CTIF: variants seen among roughly 807,000 people sequenced by gnomAD.
CTIF encodes the protein cap binding complex dependent translation initiation factor.
In CTIF, 21 loss-of-function variants were observed where a neutral mutation model predicts 66.0. The ratio of observed to expected loss-of-function variants is 0.32; its 90% confidence interval spans 0.23 to 0.46. The LOEUF (loss-of-function observed/expected upper bound fraction) is 0.46. Among genes scored for constraint, CTIF ranks in the 20% least tolerant of loss-of-function variants. CTIF has a pLI of 1.00. For synonymous variants in CTIF, 345 were observed against 326.4 expected (o/e 1.06, Z -0.62); for missense variants, 739 against 812.7 (o/e 0.91, Z 1.10).
chr18:48,636,708 T>TC (rs758720724), intron 3 of CTIF, 23 bp downstream of exon 3: 2 of 1,532,078 alleles, frequency 1.3e-6, no homozygotes, highest in African/African-American at 1.4e-5. Context: ...CTCTGCGCTC[T>TC]GTCTGGGGGT....
chr18:48,768,821 A>G (rs1264419774), intron 9 of CTIF, among the ~76,000 whole-genome samples: 1 of 152,108 alleles, frequency 6.6e-6, no homozygotes, highest in Non-Finnish European at 1.5e-5. Context: ...AGGAGGATCC[A>G]TTCAGGCCAG....
chr18:48,781,170 C>T (rs1911173376), intron 9 of CTIF, among the ~76,000 whole-genome samples: 1 of 152,232 alleles, frequency 6.6e-6, no homozygotes, highest in African/African-American at 2.4e-5. Context: ...CTCTACCCTC[C>T]TAGTGCCTCC....
intron 1 of CTIF, among the ~76,000 whole-genome samples, chr18:48,575,469 G>T (rs1428469305): frequency 2.0e-5 from 3 of 152,174 alleles, no homozygotes; most frequent in Non-Finnish European, 1.5e-5. Flanking sequence ...ATTAATTTTC[G>T]ATTTTCTTTT....
chr18:48,774,537 A>G (rs796262602), intron 9 of CTIF, among the ~76,000 whole-genome samples: 9 of 152,260 alleles, frequency 5.9e-5, no homozygotes, highest in African/African-American at 2.2e-4. Context: ...TGGCCCTTCC[A>G]GGACAGATCC....
At chr18:48,667,067 G>C (rs969296036) in intron 5 of CTIF, among the ~76,000 whole-genome samples, 1 of 146,716 alleles carries the variant, frequency 6.8e-6, no homozygotes, top group Non-Finnish European at 1.5e-5. Flanking sequence ...CATGGTGCTG[G>C]GTACCAGGAA....
chr18:48,615,203 G>A (rs982301147), intron 1 of CTIF, among the ~76,000 whole-genome samples: 1 of 152,338 alleles, frequency 6.6e-6, no homozygotes, highest in African/African-American at 2.4e-5. Context: ...GCTGAATGCT[G>A]TTTTATGTTG....
intron 1 of CTIF, among the ~76,000 whole-genome samples, chr18:48,593,457 T>C (rs999369592): frequency 1.3e-5 from 2 of 151,502 alleles, no homozygotes; most frequent in African/African-American, 2.4e-5. Context: ...CTCGGCTCAC[T>C]GCAAGCTCTG....
intron 1 of CTIF, among the ~76,000 whole-genome samples, chr18:48,549,194 T>C (rs937054421): frequency 6.6e-6 from 1 of 152,086 alleles, no homozygotes; most frequent in Non-Finnish European, 1.5e-5. Flanking sequence ...ACAAGAGGAA[T>C]TGGCAGCTGT....
At chr18:48,687,850 G>A (rs945412284) in intron 6 of CTIF, among the ~76,000 whole-genome samples, 8 of 152,190 alleles carry the variant, frequency 5.3e-5, no homozygotes, top group Admixed American at 5.2e-4. Flanking sequence ...GCTGTCCTTT[G>A]CCGTTACTAA....
chr18:48,588,961 G>A (rs185774909), intron 1 of CTIF, among the ~76,000 whole-genome samples: 5 of 152,156 alleles, frequency 3.3e-5, no homozygotes, highest in East Asian at 1.9e-4. Flanking sequence ...ACATGTACCC[G>A]GCGCCCCTGT....
intron 9 of CTIF, among the ~76,000 whole-genome samples, chr18:48,772,149 C>T (rs375433809): frequency 1.3e-5 from 2 of 152,282 alleles, no homozygotes; most frequent in African/African-American, 2.4e-5. Flanking sequence ...CTGTGCATGG[C>T]GCCAAGGTGT....
intron 9 of CTIF, among the ~76,000 whole-genome samples, chr18:48,766,924 A>G (rs1909619350): frequency 6.6e-6 from 1 of 151,888 alleles, no homozygotes; most frequent in South Asian, 2.1e-4. Flanking sequence ...TCCTTTTCCC[A>G]TTTTCCTTTT....
intron 3 of CTIF, among the ~76,000 whole-genome samples, chr18:48,651,386 A>AAG (rs1246066683): frequency 6.6e-6 from 1 of 152,222 alleles, no homozygotes; most frequent in Non-Finnish European, 1.5e-5. Flanking sequence ...CAAAGATCAA[A>AAG]AGAGACAAAG....
rs557086163 is a variant in CTIF at position 48,615,859 on chromosome 18, C to T, written c.-28-3679C>T. ...CAAACACTAGAGTAGAAGGAATGGC[C>T]GAGAGGACGTGAGGACACAAGAGGC... On this transcript the variant is annotated intron_variant, in intron 1 of 11. Coordinates refer to ENST00000256413, the MANE Select transcript of CTIF (RefSeq NM_014772.3). Among the ~76,000 whole-genome samples, 15 of 152,272 alleles carry T rather than the reference C, an allele frequency of 9.9e-5. No individual in the cohort carries two copies. The South Asian group carries it at 1.9e-3, about 19-fold the overall frequency.
intron 5 of CTIF, among the ~76,000 whole-genome samples, chr18:48,667,120 T>TATACAATAC (rs2091451178): frequency 8.0e-6 from 1 of 125,450 alleles, no homozygotes; most frequent in African/African-American, 3.3e-5. Context: ...CACACACGAG[T>TATACAATAC]ATACAATACA....
intron 1 of CTIF, among the ~76,000 whole-genome samples, chr18:48,608,000 A>G (rs76220921): frequency 0.037 from 5,687 of 152,092 alleles, 374 homozygotes; most frequent in African/African-American, 0.13. Flanking sequence ...ATTTATTTCC[A>G]AGTTCTGAGG....
intron 1 of CTIF, among the ~76,000 whole-genome samples, chr18:48,561,150 A>G (rs1189376260): frequency 1.3e-5 from 2 of 149,468 alleles, no homozygotes; most frequent in Non-Finnish European, 2.9e-5. Flanking sequence ...GAGGCAGGAA[A>G]TCACTTGAAC....
intron 1 of CTIF, among the ~76,000 whole-genome samples, chr18:48,555,220 T>C (rs1204342012): frequency 6.6e-6 from 1 of 152,206 alleles, no homozygotes; most frequent in Non-Finnish European, 1.5e-5. Flanking sequence ...ATGTAGCCCA[T>C]GACTGTGTAA....
At chr18:48,572,418 A>C (rs1053618442) in intron 1 of CTIF, among the ~76,000 whole-genome samples, 3 of 152,162 alleles carry the variant, frequency 2.0e-5, no homozygotes, top group Non-Finnish European at 2.9e-5. Flanking sequence ...TGCAGAGGAG[A>C]GGAGCCTGGG....
Sources: allele counts gnomAD v4.1 joint callset (sites outside exome capture counted in the v4.1 genomes callset), GRCh38; gene constraint gnomAD v4.1.1; transcripts MANE v1.5; gene names NCBI Gene and HGNC (gene_info 2026-07-23, HGNC 2026-07-21).